The following TNFRSF21 variants were observed in gnomAD, a reference collection of about 807,000 sequenced individuals.
TNFRSF21 encodes the protein tumor necrosis factor receptor superfamily member 21.
A neutral mutation model predicts 45.6 loss-of-function variants in TNFRSF21; 19 were observed. That is an observed-to-expected ratio of 0.42 (90% CI 0.29 to 0.61). The LOEUF is 0.61. Ranked by LOEUF, TNFRSF21 falls within the 20% of genes least tolerant of loss-of-function variation. The pLI is 0.23. For missense variants in TNFRSF21, 737 were observed against 851.5 expected (o/e 0.87, Z 1.67); for synonymous variants, 314 against 335.5 (o/e 0.94, Z 0.70).
chr6:47,232,819 T>G lies in TNFRSF21; in HGVS notation c.1914A>C (p.Glu638Asp). 6.2e-7 allele frequency: 1 copy of G among 1,614,240 alleles called. No individual in the cohort carries two copies. The highest frequency in any genetic ancestry group is 8.5e-7 in the Non-Finnish European group (1 of 1,180,044). The change falls in exon 6 of 6, where the codon GAA becomes GAC. Residue 638 changes from glutamate to aspartate, a missense_variant. By Grantham distance (45) the Glu-to-Asp change is conservative. Transcript: ENST00000296861. The part of the protein sequence containing the change: ...LFEIIGVKSQ[E>D]ASQTLLDSVY... ...CAGAGTCCAGGAGGGTCTGGCTGGC[T>G]TCCTGGCTCTTGACTCCAATAATTT...
chr6:47,301,378 T>C (rs1197092968), intron 1 of TNFRSF21, among the ~76,000 whole-genome samples: 2 of 152,222 alleles, frequency 1.3e-5, no homozygotes, highest in Non-Finnish European at 2.9e-5. Context: ...CTTGTCTATT[T>C]TGTTATTTTT....
chr6:47,271,006 A>C (rs1762406447), intron 3 of TNFRSF21, among the ~76,000 whole-genome samples: 1 of 152,244 alleles, frequency 6.6e-6, no homozygotes, highest in Admixed American at 6.5e-5. Context: ...TCCAAGAAAT[A>C]TGGGACTATG....
At chr6:47,234,104 G>T (rs1384297103) in intron 5 of TNFRSF21, among the ~76,000 whole-genome samples, 1 of 152,016 alleles carries the variant, frequency 6.6e-6, no homozygotes, top group Non-Finnish European at 1.5e-5. Context: ...TGATTCTTTT[G>T]CCTCAGCCTC....
chr6:47,245,427 AGTGTGTGTGT>A (rs375623340), intron 4 of TNFRSF21, among the ~76,000 whole-genome samples: 1 of 142,186 alleles, frequency 7.0e-6, no homozygotes, highest in Admixed American at 7.0e-5. Flanking sequence ...ACTAAGAAGA[AGTGTGTGTGT>A]GTGTGTGTGT....
rs745783990 is a variant in TNFRSF21, at chr6:47,271,183, G to A, written c.1243+12755C>T. Among the ~76,000 whole-genome samples, 11 of 152,224 alleles carry A rather than the reference G, an allele frequency of 7.2e-5. No homozygotes were observed. The South Asian group carries it at 1.7e-3, about 23-fold the overall frequency. ...TACAGAGACCACAAAGATACTCCTC[G>A]AGAAGAGCAACCTCAAGACACATAA... On this transcript the variant is annotated intron_variant, in intron 3 of 5. Coordinates refer to ENST00000296861, the MANE Select transcript of TNFRSF21 (RefSeq NM_014452.5).
chr6:47,258,764 C>T (rs1765027310), intron 3 of TNFRSF21, among the ~76,000 whole-genome samples: 1 of 151,852 alleles, frequency 6.6e-6, no homozygotes, highest in Non-Finnish European at 1.5e-5. Context: ...TCTATGATAC[C>T]CTAAAAGAAA....
chr6:47,258,649 G>A (rs1240152743), intron 3 of TNFRSF21, among the ~76,000 whole-genome samples: 2 of 152,036 alleles, frequency 1.3e-5, no homozygotes, highest in Non-Finnish European at 2.9e-5. Context: ...ATGTTGGCCA[G>A]GCTGATCTCA....
chr6:47,293,928 C>A (rs1031960476), intron 1 of TNFRSF21, among the ~76,000 whole-genome samples: 12 of 152,202 alleles, frequency 7.9e-5, no homozygotes, highest in Admixed American at 4.6e-4. Flanking sequence ...TTTAGCATGT[C>A]TTCCCCTGTG....
At chr6:47,268,273 A>T (rs1356495024) in intron 3 of TNFRSF21, among the ~76,000 whole-genome samples, 1 of 152,238 alleles carries the variant, frequency 6.6e-6, no homozygotes, top group Non-Finnish European at 1.5e-5. Context: ...ACAAGAAAAT[A>T]TACATAAATT....
At chr6:47,309,344 C>A in intron 1 of TNFRSF21, 72 bp downstream of exon 1, 2 of 1,477,600 alleles carry the variant, frequency 1.4e-6, no homozygotes, top group South Asian at 1.3e-5. Context: ...GCCCGGTGAC[C>A]CGCCCGGCTC....
At chr6:47,251,148 T>A (rs1764896622) in intron 4 of TNFRSF21, among the ~76,000 whole-genome samples, 1 of 152,140 alleles carries the variant, frequency 6.6e-6, no homozygotes, top group African/African-American at 2.4e-5. Context: ...CAACCTGTAA[T>A]AAGAACTGGC....
chr6:47,236,518 T>C (rs1764667320), intron 4 of TNFRSF21, among the ~76,000 whole-genome samples: 1 of 152,258 alleles, frequency 6.6e-6, no homozygotes, highest in East Asian at 1.9e-4. Flanking sequence ...TGAGAAATTC[T>C]TGCAACTGAT....
intron 4 of TNFRSF21, among the ~76,000 whole-genome samples, chr6:47,251,741 C>A (rs1356465929): frequency 6.6e-6 from 1 of 152,208 alleles, no homozygotes; most frequent in Non-Finnish European, 1.5e-5. Flanking sequence ...TGCCTCTAAA[C>A]TCCCTGTATT....
rs1200134171 is a variant in TNFRSF21, at chr6:47,253,286, C to G, written c.1479G>C (p.Lys493Asn). The change falls in exon 4 of 6, where the codon AAG becomes AAC. Residue 493 changes from lysine (K) to asparagine (N), a missense_variant. Lys to Asn is a moderately conservative substitution (Grantham distance 94). Coordinates refer to ENST00000296861, the MANE Select transcript of TNFRSF21 (RefSeq NM_014452.5). Reference sequence around the variant, plus strand: ...TGGTGTCTTCCATCAGCCCACGAATCTTCTCCACAACATCGTTTCTCCGGT... The same window carrying G: ...TGGTGTCTTCCATCAGCCCACGAATGTTCTCCACAACATCGTTTCTCCGGT... ...RQHRRNDVVE[K>N]IRGLMEDTTQ... 4 of 1,613,556 alleles carry G rather than the reference C, an allele frequency of 2.5e-6. No homozygotes were observed. Among genetic ancestry groups the G allele is most frequent in the Non-Finnish European group, 2.5e-6 (3 of 1,179,816 alleles).
At chr6:47,249,323 C>T (rs1303955176) in intron 4 of TNFRSF21, among the ~76,000 whole-genome samples, 2 of 152,168 alleles carry the variant, frequency 1.3e-5, no homozygotes, top group South Asian at 2.1e-4. Context: ...CACATCCTCT[C>T]GTTTGCTGGT....
intron 5 of TNFRSF21, 75 bp from the exon 6 acceptor site, chr6:47,233,069 G>T: frequency 7.4e-7 from 1 of 1,357,400 alleles, no homozygotes; most frequent in Non-Finnish European, 1.0e-6. Flanking sequence ...GGAGAGCAGG[G>T]TCCTAGAGAG....
intron 4 of TNFRSF21, 135 bp downstream of exon 4, chr6:47,253,121 C>T: frequency 3.5e-5 from 35 of 1,003,210 alleles, no homozygotes; most frequent in Middle Eastern, 3.2e-4. Flanking sequence ...TGTGTGTGTG[C>T]AGGCGTATGC....
chr6:47,242,178 A>T (rs560814319), intron 4 of TNFRSF21, among the ~76,000 whole-genome samples: 9 of 152,238 alleles, frequency 5.9e-5, no homozygotes, highest in African/African-American at 1.9e-4. Context: ...GGGGAATCTC[A>T]GGATTAACCT....
chr6:47,248,254 C>A (rs190772634), intron 4 of TNFRSF21, among the ~76,000 whole-genome samples: 75 of 152,174 alleles, frequency 4.9e-4, no homozygotes, highest in Non-Finnish European at 8.2e-4. Context: ...TCTAGTATGG[C>A]CCCCAGTAAT....
Sources: gnomAD v4.1 joint callset for allele counts (sites outside exome capture counted in the v4.1 genomes callset) on GRCh38, gnomAD v4.1.1 for gene constraint, MANE v1.5 for transcripts, NCBI Gene and HGNC (gene_info 2026-07-23, HGNC 2026-07-21) for gene names.